CHRM3: variants seen among roughly 807,000 people sequenced by gnomAD.
CHRM3 encodes the protein muscarinic acetylcholine receptor M3.
In CHRM3, 11 loss-of-function variants were observed where a neutral mutation model predicts 41.8. The observed-to-expected ratio is 0.26, with a 90% CI of 0.17 to 0.44. The LOEUF is 0.44. CHRM3 is among the 20% of genes least tolerant of loss of function. The pLI, the probability that CHRM3 is intolerant of heterozygous loss-of-function variation, is 1.00. For synonymous variants in CHRM3, 297 were observed against 301.4 expected (o/e 0.99, Z 0.15); for missense variants, 571 against 745.4 (o/e 0.77, Z 2.72).
chr1:239,846,236 A>G (rs775441177), intron 6 of CHRM3, among the ~76,000 whole-genome samples: 1 of 152,210 alleles, frequency 6.6e-6, no homozygotes, highest in Non-Finnish European at 1.5e-5. Context: ...AGTAACTTCC[A>G]GAAAACGCTT....
intron 5 of CHRM3, among the ~76,000 whole-genome samples, chr1:239,682,895 G>T (rs796763424): frequency 5.3e-5 from 8 of 152,084 alleles, no homozygotes; most frequent in African/African-American, 1.9e-4. Flanking sequence ...ATTTATGGGG[G>T]TAAAGTGTGA....
intron 2 of CHRM3, among the ~76,000 whole-genome samples, chr1:239,538,238 C>G (rs186554807): frequency 1.1e-3 from 168 of 152,326 alleles, no homozygotes; most frequent in Non-Finnish European, 1.7e-3. Flanking sequence ...ATCTTCCATG[C>G]AATTATAAAG....
At chr1:239,677,642 G>T (rs981492237) in intron 4 of CHRM3, among the ~76,000 whole-genome samples, 1 of 152,246 alleles carries the variant, frequency 6.6e-6, no homozygotes, top group Non-Finnish European at 1.5e-5. Flanking sequence ...CACAGTCAAC[G>T]TTTTGTACAG....
At chr1:239,574,680 T>A (rs1356399178) in intron 3 of CHRM3, among the ~76,000 whole-genome samples, 1 of 152,192 alleles carries the variant, frequency 6.6e-6, no homozygotes, top group Admixed American at 6.5e-5. Flanking sequence ...TTGATTATTT[T>A]ATTCCCTCCA....
chr1:239,861,395 A>C (rs2149272092), intron 6 of CHRM3, among the ~76,000 whole-genome samples: 1 of 152,218 alleles, frequency 6.6e-6, no homozygotes, highest in East Asian at 1.9e-4. Context: ...ACTAGCAAAA[A>C]TGGACAAAAA....
intron 3 of CHRM3, among the ~76,000 whole-genome samples, chr1:239,598,376 T>C (rs1665066588): frequency 6.6e-6 from 1 of 152,124 alleles, no homozygotes; most frequent in South Asian, 2.1e-4. Flanking sequence ...ACATTTATAG[T>C]CTTATAAAAT....
intron 5 of CHRM3, among the ~76,000 whole-genome samples, chr1:239,734,760 G>GTT (rs1664261367): frequency 6.6e-6 from 1 of 152,030 alleles, no homozygotes; most frequent in Non-Finnish European, 1.5e-5. Context: ...ATATACTGAT[G>GTT]AGTATGCAGG....
intron 4 of CHRM3, among the ~76,000 whole-genome samples, chr1:239,651,977 C>T (rs1672279798): frequency 8.3e-6 from 1 of 121,188 alleles, no homozygotes; most frequent in Non-Finnish European, 1.7e-5. Flanking sequence ...TGTATTTCGC[C>T]AGTTTTTGTT....
intron 3 of CHRM3, among the ~76,000 whole-genome samples, chr1:239,580,449 A>G (rs1274031274): frequency 6.6e-6 from 1 of 151,864 alleles, no homozygotes; most frequent in Non-Finnish European, 1.5e-5. Context: ...CTATTTATAT[A>G]ATCTTGTATT....
At chr1:239,540,926 A>G (rs1271416022) in intron 2 of CHRM3, among the ~76,000 whole-genome samples, 1 of 152,222 alleles carries the variant, frequency 6.6e-6, no homozygotes, top group Non-Finnish European at 1.5e-5. Flanking sequence ...TGCTCACACA[A>G]TAAATGCTAT....
intron 4 of CHRM3, among the ~76,000 whole-genome samples, chr1:239,665,271 TA>T: frequency 6.6e-6 from 1 of 152,146 alleles, no homozygotes. Flanking sequence ...CCGCTTCCTG[TA>T]ATCAGCGGCC....
intron 1 of CHRM3, among the ~76,000 whole-genome samples, chr1:239,445,636 T>G (rs1664068811): frequency 6.6e-6 from 1 of 152,150 alleles, no homozygotes; most frequent in Admixed American, 6.5e-5. Flanking sequence ...AGGAATGTGG[T>G]TAACGATAGA....
chr1:239,742,566 G>A (rs913641074), intron 5 of CHRM3, among the ~76,000 whole-genome samples: 4 of 152,136 alleles, frequency 2.6e-5, no homozygotes, highest in African/African-American at 9.7e-5. Flanking sequence ...AGTCACAAAT[G>A]TCATGCTCTT....
intron 2 of CHRM3, among the ~76,000 whole-genome samples, chr1:239,539,464 CT>C (rs1558302281): frequency 6.6e-6 from 1 of 152,064 alleles, no homozygotes; most frequent in Non-Finnish European, 1.5e-5. Context: ...TATTCTTACC[CT>C]TTTGCAGCAA....
chr1:239,514,565 ATTAAGT>A (rs1474273531), intron 2 of CHRM3, among the ~76,000 whole-genome samples: 1 of 152,108 alleles, frequency 6.6e-6, no homozygotes, highest in African/African-American at 2.4e-5. Context: ...CTACACAAAA[ATTAAGT>A]TTTATTTCTC....
At chr1:239,753,468 C>A (rs554083498) in intron 5 of CHRM3, among the ~76,000 whole-genome samples, 1 of 152,152 alleles carries the variant, frequency 6.6e-6, no homozygotes. Context: ...TTCACATGGC[C>A]AGCATGAGAA....
chr1:239,870,299 C>T (rs1042890348), intron 6 of CHRM3, among the ~76,000 whole-genome samples: 1 of 152,196 alleles, frequency 6.6e-6, no homozygotes. Flanking sequence ...TCCATCTCCC[C>T]AGGTGGGTAA....
rs892379527 is a variant in CHRM3 at position 239,908,657 on chromosome 1, G to T, written c.1206G>T (p.Glu402Asp). Residue 402 changes from glutamate (E) to aspartate (D), a missense_variant, in exon 7 of 7, where the codon GAG becomes GAT. Physicochemically the swap from Glu to Asp is conservative, Grantham distance 45 (BLOSUM62 2). Transcript: ENST00000676153. This position sits in a 1 kb window ranked among gnomAD's most constrained non-coding sequence, Gnocchi z 7.2. ...PEEELGMVDL[E>D]RKADKLQAQK... ...AGGAGCTGGGGATGGTGGACTTGGA[G>T]AGGAAAGCCGACAAGCTGCAGGCCC... is the stretch of plus-strand genomic sequence containing the variant. 6.2e-7 allele frequency: 1 copy of T among 1,612,710 alleles called. No homozygotes were observed. Among genetic ancestry groups the T allele is most frequent in the Non-Finnish European group, 8.5e-7 (1 of 1,179,378 alleles).
intron 4 of CHRM3, among the ~76,000 whole-genome samples, chr1:239,643,518 C>G (rs904427847): frequency 6.6e-6 from 1 of 152,210 alleles, no homozygotes; most frequent in Non-Finnish European, 1.5e-5. Context: ...AGTTTGATCT[C>G]AGACTGCTGT....
Sources: allele counts gnomAD v4.1 joint callset (sites outside exome capture counted in the v4.1 genomes callset), GRCh38; gene constraint gnomAD v4.1.1; non-coding constraint Gnocchi (gnomAD v3.1); transcripts MANE v1.5; gene names NCBI Gene and HGNC (gene_info 2026-07-23, HGNC 2026-07-21).